Variants in MAGI2 observed in about 807,000 individuals in gnomAD.
MAGI2 encodes membrane-associated guanylate kinase, WW and PDZ domain-containing protein 2.
MAGI2 carries 35 observed loss-of-function variants against 133.3 expected under a neutral mutation model. The observed-to-expected ratio is 0.26, with a 90% confidence interval of 0.20 to 0.35. The LOEUF is 0.35. MAGI2 is among the 10% of genes least tolerant of loss of function. MAGI2 has a pLI of 1.00. For missense variants in MAGI2, 1,636 were observed against 1,863.4 expected (o/e 0.88, Z 2.25); for synonymous variants, 729 against 710.6 (o/e 1.03, Z -0.41).
chr7:79,154,693 A>G (rs937492829), intron 1 of MAGI2, among the ~76,000 whole-genome samples: 18 of 152,166 alleles, frequency 1.2e-4, no homozygotes, highest in African/African-American at 4.1e-4. Context: ...ACAGACTACA[A>G]ACTATTCTCT....
At chr7:78,872,803 G>T (rs188733138) in intron 2 of MAGI2, among the ~76,000 whole-genome samples, 1 of 152,020 alleles carries the variant, frequency 6.6e-6, no homozygotes, top group East Asian at 1.9e-4. Context: ...CATAAGAGAA[G>T]TATCTATTTT....
intron 1 of MAGI2, among the ~76,000 whole-genome samples, chr7:79,190,054 T>G (rs1448875630): frequency 6.6e-6 from 1 of 151,734 alleles, no homozygotes; most frequent in African/African-American, 2.4e-5. Flanking sequence ...GGCTTTAAAT[T>G]TTTTTTGTCA....
intron 2 of MAGI2, among the ~76,000 whole-genome samples, chr7:78,825,418 A>G (rs1292964439): frequency 1.3e-5 from 2 of 152,096 alleles, no homozygotes; most frequent in African/African-American, 4.8e-5. Context: ...CTCCTTTGCA[A>G]TTCTAGGGTA....
At chr7:79,022,023 T>A (rs565431027) in intron 1 of MAGI2, among the ~76,000 whole-genome samples, 5 of 152,296 alleles carry the variant, frequency 3.3e-5, no homozygotes, top group Non-Finnish European at 7.4e-5. Flanking sequence ...GCAGTCATTG[T>A]CTATCCTGCT....
At chr7:78,846,428 G>T (rs531372201) in intron 2 of MAGI2, among the ~76,000 whole-genome samples, 1 of 152,066 alleles carries the variant, frequency 6.6e-6, no homozygotes, top group South Asian at 2.1e-4. Flanking sequence ...TGCAAACAGT[G>T]TGGCTGTCTT....
intron 2 of MAGI2, among the ~76,000 whole-genome samples, chr7:78,661,398 A>G (rs1306061636): frequency 2.6e-5 from 4 of 152,234 alleles, no homozygotes. Context: ...CAAATGACCC[A>G]GATACAAAAC....
chr7:78,879,569 GA>G (rs1023640001), intron 2 of MAGI2, among the ~76,000 whole-genome samples: 1 of 151,786 alleles, frequency 6.6e-6, no homozygotes, highest in Non-Finnish European at 1.5e-5. Flanking sequence ...TAATGGGAAA[GA>G]AAAAAAGTAA....
intron 1 of MAGI2, among the ~76,000 whole-genome samples, chr7:79,080,015 T>C (rs1458943449): frequency 6.6e-6 from 1 of 151,912 alleles, no homozygotes. Flanking sequence ...ACAGAGTTCA[T>C]TTTTTTGCAA....
At chr7:79,385,288 G>T (rs762672179) in intron 1 of MAGI2, among the ~76,000 whole-genome samples, 13 of 151,826 alleles carry the variant, frequency 8.6e-5, no homozygotes, top group Non-Finnish European at 1.5e-4. Context: ...TCTGAACCTG[G>T]AGTACTATTT....
rs1398462945 is a variant in MAGI2, at chr7:78,320,216, T to C, written c.1408+23562A>G. ...TACAAAGAGGAGCTGGTACCATTCC[T>C]TCTGAAACTATCCCAAACAATAGAA... On this transcript the variant is annotated intron_variant, in intron 9 of 21. Transcript: ENST00000354212. Among the ~76,000 whole-genome samples, 3 of 152,178 alleles carry C rather than the reference T, an allele frequency of 2.0e-5. No homozygotes were observed. In the East Asian group the frequency reaches 5.8e-4, roughly 29 times the overall value.
chr7:78,113,483 C>A (rs1819559908), intron 20 of MAGI2, among the ~76,000 whole-genome samples: 1 of 152,018 alleles, frequency 6.6e-6, no homozygotes, highest in African/African-American at 2.4e-5. Flanking sequence ...TGATGGTAGT[C>A]CCATAATATT....
Position 78,975,525 on chromosome 7 carries a change from T to A in MAGI2, c.418+31565A>T, listed in dbSNP as rs1804169159. The stretch of plus-strand genomic sequence containing the variant: ...CAAATTATATGAGATGCAGTGAAAG[T>A]AGTACTTAGAGGGAAATTTATAGTA... On this transcript the variant is annotated intron_variant, in intron 2 of 21. Transcript: ENST00000354212. 2.0e-5 allele frequency among the ~76,000 whole-genome samples: 3 copies of A among 151,558 alleles called. No homozygotes were observed. The Admixed American group carries it at 2.0e-4, about 10-fold the overall frequency.
intron 1 of MAGI2, among the ~76,000 whole-genome samples, chr7:79,235,528 C>T (rs1831837912): frequency 6.6e-6 from 1 of 152,176 alleles, no homozygotes; most frequent in Non-Finnish European, 1.5e-5. Flanking sequence ...CTGAAAAGCG[C>T]AATATTTGGG....
chr7:78,397,509 T>C (rs1032568460), intron 6 of MAGI2, among the ~76,000 whole-genome samples: 5 of 151,968 alleles, frequency 3.3e-5, no homozygotes, highest in African/African-American at 1.2e-4. Context: ...GAGTTGCATA[T>C]CTGGGTTGGC....
chr7:78,883,940 C>T (rs1796073722), intron 2 of MAGI2, among the ~76,000 whole-genome samples: 1 of 152,036 alleles, frequency 6.6e-6, no homozygotes, highest in Admixed American at 6.5e-5. Context: ...TGGATATAAG[C>T]CTTGGCAAAG....
chr7:78,804,592 C>CA (rs1393706920), intron 2 of MAGI2, among the ~76,000 whole-genome samples: 3 of 150,122 alleles, frequency 2.0e-5, no homozygotes, highest in African/African-American at 4.9e-5. Flanking sequence ...ACTAAAAATA[C>CA]AAAAAAATTA....
At chr7:79,184,743 A>C (rs999843409) in intron 1 of MAGI2, among the ~76,000 whole-genome samples, 1 of 151,848 alleles carries the variant, frequency 6.6e-6, no homozygotes, top group Non-Finnish European at 1.5e-5. Flanking sequence ...AATGAGCATT[A>C]ACTGCAATTC....
intron 1 of MAGI2, among the ~76,000 whole-genome samples, chr7:79,127,015 T>G (rs1315131588): frequency 1.3e-5 from 2 of 151,372 alleles, no homozygotes; most frequent in African/African-American, 4.9e-5. Context: ...GTGTTCTCAT[T>G]GTTCAATTCC....
chr7:78,111,349 A>T (rs1374647499), intron 20 of MAGI2, among the ~76,000 whole-genome samples: 1 of 152,280 alleles, frequency 6.6e-6, no homozygotes, highest in East Asian at 1.9e-4. Flanking sequence ...CTCTCCTCAC[A>T]CTTCTAATGT....
Sources: gnomAD v4.1 joint callset for allele counts (sites outside exome capture counted in the v4.1 genomes callset) on GRCh38, gnomAD v4.1.1 for gene constraint, MANE v1.5 for transcripts, NCBI Gene and HGNC (gene_info 2026-07-23, HGNC 2026-07-21) for gene names.